Variants in RNFT2 observed in about 807,000 individuals in gnomAD.
The protein encoded by RNFT2 is ring finger protein, transmembrane 2.
RNFT2 carries 36 observed loss-of-function variants against 53.0 expected under a neutral mutation model. The ratio of observed to expected loss-of-function variants is 0.68; its 90% CI spans 0.52 to 0.90. RNFT2 has a LOEUF of 0.90. Ranked by LOEUF, RNFT2 falls within the 40% of genes least tolerant of loss-of-function variation. RNFT2 has a pLI of 0.00. For synonymous variants in RNFT2, 260 were observed against 253.2 expected (o/e 1.03, Z -0.26); for missense variants, 514 against 585.6 (o/e 0.88, Z 1.26).
intron 5 of RNFT2, among the ~76,000 whole-genome samples, chr12:116,763,007 A>G (rs1872748938): frequency 6.6e-6 from 1 of 152,120 alleles, no homozygotes; most frequent in Non-Finnish European, 1.5e-5. Flanking sequence ...GCTTGATCCC[A>G]GGAGTTTGAG....
chr12:116,762,945 G>T (rs567455924), intron 5 of RNFT2, among the ~76,000 whole-genome samples: 1 of 152,064 alleles, frequency 6.6e-6, no homozygotes, highest in Admixed American at 6.6e-5. Flanking sequence ...AGCCAGGTGT[G>T]GGGGCATGTG....
chr12:116,754,864 T>C (rs1292212560), intron 5 of RNFT2, among the ~76,000 whole-genome samples: 2 of 152,246 alleles, frequency 1.3e-5, no homozygotes, highest in East Asian at 1.9e-4. Context: ...TTGTTTGAGT[T>C]TGTTGTAGAT....
chr12:116,828,199 T>G (rs1396536532), intron 7 of RNFT2, among the ~76,000 whole-genome samples: 3 of 152,198 alleles, frequency 2.0e-5, no homozygotes, highest in African/African-American at 7.2e-5. Flanking sequence ...CCCTCATTTC[T>G]TCACCAGCTT....
intron 10 of RNFT2, among the ~76,000 whole-genome samples, chr12:116,841,954 T>TAGAGAG (rs1292152384): frequency 1.0e-4 from 2 of 19,726 alleles, no homozygotes; most frequent in African/African-American, 6.9e-4. Flanking sequence ...TATAAATATA[T>TAGAGAG]ATATAGAGAG....
intron 7 of RNFT2, chr12:116,782,297 T>C (rs1035223263): frequency 5.3e-5 from 8 of 151,850 alleles, no homozygotes; most frequent in Admixed American, 1.3e-4. Context: ...GGCAGGAAGA[T>C]TGCTTGAGGC....
chr12:116,822,453 G>A (rs539192755), intron 7 of RNFT2, among the ~76,000 whole-genome samples: 39 of 151,992 alleles, frequency 2.6e-4, no homozygotes, highest in African/African-American at 7.7e-4. Flanking sequence ...TTCCAGCTGC[G>A]TCACCTGGGG....
chr12:116,828,004 G>A (rs1332152928), intron 7 of RNFT2, among the ~76,000 whole-genome samples: 5 of 152,204 alleles, frequency 3.3e-5, no homozygotes, highest in Non-Finnish European at 5.9e-5. Context: ...GGGGACCAGA[G>A]TCAGCCAGAT....
At chr12:116,802,103 G>A (rs1342291787) in intron 7 of RNFT2, among the ~76,000 whole-genome samples, 1 of 152,144 alleles carries the variant, frequency 6.6e-6, no homozygotes, top group African/African-American at 2.4e-5. Context: ...TTAAAGGTGT[G>A]AGCCACTGCA....
chr12:116,808,771 C>T (rs907975581), intron 7 of RNFT2, among the ~76,000 whole-genome samples: 4 of 152,128 alleles, frequency 2.6e-5, no homozygotes, highest in African/African-American at 7.2e-5. Context: ...GGAGGAGGGG[C>T]GGTCAGGCCT....
intron 5 of RNFT2, among the ~76,000 whole-genome samples, chr12:116,765,447 C>T (rs1299552320): frequency 6.6e-6 from 1 of 152,164 alleles, no homozygotes; most frequent in Non-Finnish European, 1.5e-5. Context: ...TCTGGAGACA[C>T]TGTGTATTGA....
In RNFT2 at chr12:116,740,497, C is replaced by T; in HGVS notation, c.-1C>T. ...GTCGTCAACATGGAGTTCTGAAGTC[C>T]ATGTGGCTCTTCACAGTGAATCAGG... On this transcript the variant is annotated 5_prime_UTR_variant, in exon 2 of 11. Coordinates refer to ENST00000257575, the MANE Select transcript of RNFT2 (RefSeq NM_001382266.1). 1 of 1,573,612 alleles carries T rather than the reference C, an allele frequency of 6.4e-7. No individual in the cohort carries two copies. Among genetic ancestry groups the T allele is most frequent in the Admixed American group, 1.9e-5 (1 of 53,756 alleles).
intron 6 of RNFT2, among the ~76,000 whole-genome samples, chr12:116,772,691 A>G (rs887521435): frequency 6.6e-6 from 1 of 152,062 alleles, no homozygotes; most frequent in African/African-American, 2.4e-5. Context: ...CCTAACAGCA[A>G]CTCTGCTAAC....
chr12:116,803,931 C>T (rs1476617554), intron 7 of RNFT2, among the ~76,000 whole-genome samples: 1 of 152,184 alleles, frequency 6.6e-6, no homozygotes, highest in Non-Finnish European at 1.5e-5. Flanking sequence ...AGGACCCAGT[C>T]AGAAGGCCTC....
At chr12:116,823,183 T>G (rs1876138955) in intron 7 of RNFT2, among the ~76,000 whole-genome samples, 1 of 152,200 alleles carries the variant, frequency 6.6e-6, no homozygotes, top group Admixed American at 6.5e-5. Context: ...CTGTCACTTA[T>G]AGCCTAAAGT....
At chr12:116,771,765 G>A (rs1281664232) in intron 6 of RNFT2, among the ~76,000 whole-genome samples, 1 of 152,032 alleles carries the variant, frequency 6.6e-6, no homozygotes, top group Non-Finnish European at 1.5e-5. Context: ...CAAGTGGGGA[G>A]GCAAAGCACA....
intron 7 of RNFT2, among the ~76,000 whole-genome samples, chr12:116,822,431 A>T (rs1876090451): frequency 6.6e-6 from 1 of 152,102 alleles, no homozygotes; most frequent in Admixed American, 6.6e-5. Context: ...AGATACTGTC[A>T]GATCCAGCAT....
At chr12:116,739,891 G>C (rs901313337) in intron 1 of RNFT2, among the ~76,000 whole-genome samples, 2 of 152,180 alleles carry the variant, frequency 1.3e-5, no homozygotes, top group Non-Finnish European at 2.9e-5. Flanking sequence ...TTGACAATAG[G>C]ATGAAATACA....
intron 7 of RNFT2, among the ~76,000 whole-genome samples, chr12:116,788,826 AGATGGATG>A (rs10579272): frequency 6.7e-6 from 1 of 149,946 alleles, no homozygotes; most frequent in Non-Finnish European, 1.5e-5. Flanking sequence ...ATGGATGGAT[AGATGGATG>A]GATGGATGGA....
Position 116,833,897 on chromosome 12 carries a change from T to C in RNFT2, c.988T>C (p.Tyr330His). The change falls in exon 8 of 11, where the codon TAC (tyrosine) becomes CAC (histidine). Residue 330 changes from tyrosine (Y) to histidine (H), a missense_variant. By Grantham distance (83) the Tyr-to-His change is moderately conservative. Transcript: ENST00000257575. ...CATGGGTGACGACTCCTCCAACAGC[T>C]ACTTCCTGGGCGGGGTCCTGATCGT... ...YIMGDDSSNS[Y>H]FLGGVLIVLY... 1 of 1,613,046 alleles carries C rather than the reference T, an allele frequency of 6.2e-7. No homozygotes were observed. Among genetic ancestry groups the C allele is most frequent in the Non-Finnish European group, 8.5e-7 (1 of 1,179,518 alleles).
Sources: allele counts gnomAD v4.1 joint callset (sites outside exome capture counted in the v4.1 genomes callset), GRCh38; gene constraint gnomAD v4.1.1; transcripts MANE v1.5; gene names NCBI Gene and HGNC (gene_info 2026-07-23, HGNC 2026-07-21).